WWOX: variants seen among roughly 807,000 people sequenced by gnomAD.
WWOX encodes the protein WW domain containing oxidoreductase, also known as WW domain-containing oxidoreductase.
A neutral mutation model predicts 46.2 loss-of-function variants in WWOX; 69 were observed. The observed-to-expected ratio is 1.49, with a 90% CI of 1.23 to 1.82. The LOEUF (loss-of-function observed/expected upper bound fraction) is 1.82, where lower values mean the gene tolerates loss of function less well. Among genes scored for constraint, WWOX ranks in the 40% most tolerant of loss-of-function variants. WWOX has a pLI of 0.00. For synonymous variants in WWOX, 359 were observed against 202.6 expected (o/e 1.77, Z -6.56); for missense variants, 919 against 542.6 (o/e 1.69, Z -6.89).
chr16:78,527,727 A>AGGCTGTTATTTAGTTCAGT (rs71140807), intron 8 of WWOX, among the ~76,000 whole-genome samples: 2 of 151,644 alleles, frequency 1.3e-5, no homozygotes, highest in South Asian at 2.1e-4. Flanking sequence ...CCTCATGAAC[A>AGGCTGTTATTTAGTTCAGT]GGTTCTTGAT....
At chr16:79,117,881 A>G (rs1322735432) in intron 8 of WWOX, among the ~76,000 whole-genome samples, 31 of 152,120 alleles carry the variant, frequency 2.0e-4, no homozygotes, top group Admixed American at 2.0e-3. Context: ...TCTGGATTAG[A>G]TTTTGGCTTC....
In WWOX at chr16:78,411,026, T is replaced by C. The variant is rs182025457; in HGVS notation, c.606-13844T>C. Among the ~76,000 whole-genome samples, 18 of 152,198 alleles carry C rather than the reference T, an allele frequency of 1.2e-4. No homozygotes were observed. In the East Asian group the frequency reaches 2.5e-3, roughly 21 times the overall value. On this transcript the variant is annotated intron_variant, in intron 6 of 8. Transcript: ENST00000566780. ...TTGATAACACAGCAGTTAGCTTCCA[T>C]TGGATTGAGTAAGCAAGAGAGCAAG...
rs145524504 is a variant in WWOX at position 78,708,438 on chromosome 16, A to T, written c.1056+275686A>T. On this transcript the variant is annotated intron_variant, in intron 8 of 8. Transcript: ENST00000566780. Reference sequence around the variant, plus strand: ...TTTTGTTTCTGCCCTGCTGTGTCACAGGGTCTTGGTATCTTTCCTCCTGTG... The same window carrying T: ...TTTTGTTTCTGCCCTGCTGTGTCACTGGGTCTTGGTATCTTTCCTCCTGTG... Among the ~76,000 whole-genome samples the T allele has an allele frequency of 8.7e-4, 133 of 152,312 alleles. 3 individuals carry two copies. In the Middle Eastern group the frequency reaches 0.014, roughly 16 times the overall value.
chr16:78,412,403 A>G (rs1597191644), intron 6 of WWOX, among the ~76,000 whole-genome samples: 3 of 152,292 alleles, frequency 2.0e-5, no homozygotes, highest in Admixed American at 2.0e-4. Flanking sequence ...TGGAACTTGG[A>G]AAGAATATAG....
At chr16:78,369,806 T>C (rs551923618) in intron 5 of WWOX, among the ~76,000 whole-genome samples, 3 of 152,056 alleles carry the variant, frequency 2.0e-5, no homozygotes, top group South Asian at 2.1e-4. Flanking sequence ...TGGCCTATCA[T>C]ATAGGAATGA....
intron 8 of WWOX, among the ~76,000 whole-genome samples, chr16:79,036,179 C>A (rs2047862150): frequency 6.6e-6 from 1 of 152,174 alleles, no homozygotes; most frequent in Non-Finnish European, 1.5e-5. Flanking sequence ...GGTCAGGTTT[C>A]ACCCTCTTCA....
chr16:79,034,197 A>G (rs944488211), intron 8 of WWOX, among the ~76,000 whole-genome samples: 11 of 152,212 alleles, frequency 7.2e-5, no homozygotes, highest in African/African-American at 2.4e-4. Context: ...CACTGAAGGG[A>G]TATTTTAAGC....
intron 5 of WWOX, among the ~76,000 whole-genome samples, chr16:78,323,489 C>A (rs372705454): frequency 6.9e-6 from 1 of 144,042 alleles, no homozygotes; most frequent in Non-Finnish European, 1.5e-5. Flanking sequence ...CCAGCAGTTT[C>A]TGCTTTTTCT....
intron 8 of WWOX, among the ~76,000 whole-genome samples, chr16:78,515,642 G>A (rs1002235213): frequency 5.3e-5 from 8 of 152,188 alleles, no homozygotes; most frequent in African/African-American, 1.2e-4. Flanking sequence ...GAAAGCTTCC[G>A]TCAGCTTTCT....
intron 8 of WWOX, among the ~76,000 whole-genome samples, chr16:78,735,415 A>T (rs929312584): frequency 6.6e-6 from 1 of 151,344 alleles, no homozygotes; most frequent in Non-Finnish European, 1.5e-5. Context: ...ACACACACAC[A>T]CACACACACA....
intron 7 of WWOX, among the ~76,000 whole-genome samples, chr16:78,427,089 G>A (rs139805456): frequency 1.8e-3 from 275 of 152,304 alleles, no homozygotes; most frequent in African/African-American, 6.2e-3. Context: ...TAGGTGGTAC[G>A]TGAAGACAGT....
chr16:78,834,195 A>G (rs1233331119), intron 8 of WWOX, among the ~76,000 whole-genome samples: 2 of 152,138 alleles, frequency 1.3e-5, no homozygotes, highest in Non-Finnish European at 2.9e-5. Context: ...AATCTTGTAA[A>G]TTTGCATTGT....
intron 8 of WWOX, chr16:78,996,431 A>C: frequency 1.3e-6 from 1 of 766,132 alleles, no homozygotes; most frequent in Non-Finnish European, 1.6e-6. Flanking sequence ...GTTTGCAAAG[A>C]ATGGAGGCAT....
intron 8 of WWOX, chr16:78,994,247 A>G (rs939460263): frequency 2.4e-4 from 36 of 152,026 alleles, no homozygotes; most frequent in African/African-American, 8.2e-4. Flanking sequence ...TAGCGTGCTG[A>G]AGGGTGGCAT....
At chr16:78,441,627 C>G (rs2083446495) in intron 8 of WWOX, among the ~76,000 whole-genome samples, 1 of 152,010 alleles carries the variant, frequency 6.6e-6, no homozygotes, top group East Asian at 1.9e-4. Flanking sequence ...GTAGACAGCT[C>G]TCGGGTCCAG....
At chr16:78,429,582 C>T (rs944681688) in intron 7 of WWOX, among the ~76,000 whole-genome samples, 5 of 152,016 alleles carry the variant, frequency 3.3e-5, no homozygotes, top group Admixed American at 3.3e-4. Flanking sequence ...TATTCCATAC[C>T]TTTCAGATAC....
intron 8 of WWOX, among the ~76,000 whole-genome samples, chr16:78,470,451 C>A (rs2738677): frequency 5.9e-5 from 9 of 152,102 alleles, no homozygotes; most frequent in Admixed American, 3.3e-4. Flanking sequence ...AGCATGCTTC[C>A]TTCCCTCTAC....
chr16:78,549,434 C>G (rs1262917538), intron 8 of WWOX, among the ~76,000 whole-genome samples: 1 of 152,128 alleles, frequency 6.6e-6, no homozygotes, highest in Non-Finnish European at 1.5e-5. Flanking sequence ...GTAATTCCCC[C>G]CTTTAATCTC....
intron 5 of WWOX, among the ~76,000 whole-genome samples, chr16:78,175,697 C>G (rs563542782): frequency 6.6e-6 from 1 of 152,332 alleles, no homozygotes; most frequent in African/African-American, 2.4e-5. Flanking sequence ...GATCCTGAGT[C>G]AGAACCACCC....
Sources: gnomAD v4.1 joint callset for allele counts (sites outside exome capture counted in the v4.1 genomes callset) on GRCh38, gnomAD v4.1.1 for gene constraint, MANE v1.5 for transcripts, NCBI Gene and HGNC (gene_info 2026-07-23, HGNC 2026-07-21) for gene names.